The following OTOF variants were observed in gnomAD, a reference collection of about 807,000 sequenced individuals.
OTOF encodes the protein fer-1-like family member 2.
OTOF carries 218 observed loss-of-function variants against 236.8 expected under a neutral mutation model. The observed-to-expected ratio is 0.92, with a 90% CI of 0.82 to 1.03. The LOEUF (loss-of-function observed/expected upper bound fraction) is 1.03. OTOF is among the 50% of genes least tolerant of loss of function. The probability of loss-of-function intolerance (pLI) is 0.00; values close to 1 mark genes in which losing one functional copy is unlikely to be tolerated. For missense variants in OTOF, 2,590 were observed against 2,694.4 expected (o/e 0.96, Z 0.86); for synonymous variants, 1,041 against 1,072.5 (o/e 0.97, Z 0.57).
chr2:26,501,425 T>C (rs1433564406), intron 8 of OTOF, among the ~76,000 whole-genome samples: 1 of 152,244 alleles, frequency 6.6e-6, no homozygotes, highest in East Asian at 1.9e-4. Flanking sequence ...TTTTAACTGT[T>C]TGAATACTTT....
rs1232261525 is a variant in OTOF, at chr2:26,542,462, G to T, written c.80-4688C>A. On this transcript the variant is annotated intron_variant, in intron 1 of 46. Coordinates refer to ENST00000272371, the MANE Select transcript of OTOF (RefSeq NM_194248.3). Reference sequence around the variant, plus strand: ...TGATACAAGGCAGAATTTTGTCATTGGCATGCAAAAAGTGTAAATAAAGTG... The same window carrying T: ...TGATACAAGGCAGAATTTTGTCATTTGCATGCAAAAAGTGTAAATAAAGTG... 3.3e-5 allele frequency among the ~76,000 whole-genome samples: 5 copies of T among 152,132 alleles called. No individual in the cohort carries two copies. The East Asian group carries it at 9.6e-4, about 29-fold the overall frequency.
At chr2:26,532,359 C>T (rs1666971632) in intron 2 of OTOF, among the ~76,000 whole-genome samples, 1 of 152,178 alleles carries the variant, frequency 6.6e-6, no homozygotes. Context: ...TAATCCACTA[C>T]ACTGAATCCT....
intron 2 of OTOF, among the ~76,000 whole-genome samples, chr2:26,534,337 G>A (rs1412962456): frequency 6.6e-6 from 1 of 152,184 alleles, no homozygotes; most frequent in African/African-American, 2.4e-5. Context: ...GCTAAAGGTG[G>A]CTACTCCTGT....
At chr2:26,544,704 A>G (rs1267188416) in intron 1 of OTOF, among the ~76,000 whole-genome samples, 1 of 152,158 alleles carries the variant, frequency 6.6e-6, no homozygotes, top group African/African-American at 2.4e-5. Context: ...ATTCCTAAGA[A>G]CAGAATGGTT....
chr2:26,482,404 A>T lies in OTOF; in HGVS notation c.1579+2T>A. 5 of 1,613,056 alleles carry T rather than the reference A, an allele frequency of 3.1e-6. No individual in the cohort carries two copies. The highest frequency in any genetic ancestry group is 3.4e-6 in the Non-Finnish European group (4 of 1,179,972). The stretch of plus-strand genomic sequence containing the variant: ...CAGCACACCGGGTCTCCCGCTGCTG[A>T]CCTTTGTCTCCGTCATTAGAAATCT... On this transcript the variant is annotated splice_donor_variant, in intron 14 of 46. Coordinates refer to ENST00000272371, the MANE Select transcript of OTOF (RefSeq NM_194248.3). LOFTEE classifies it high-confidence loss of function.
intron 1 of OTOF, among the ~76,000 whole-genome samples, chr2:26,548,490 C>T (rs1667385792): frequency 6.6e-6 from 1 of 152,288 alleles, no homozygotes; most frequent in African/African-American, 2.4e-5. Flanking sequence ...CCCCATTCTC[C>T]CTCCCCACAG....
At position 26,513,503 on chromosome 2, in the gene OTOF, C is replaced by T. The variant is rs112888164; in HGVS notation, c.509+2915G>A. ...TTCCTGCCCACTCAGTCTACCTCCC[C>T]GCAGCCCCCAGCAGGCCTTCATTTC... On this transcript the variant is annotated intron_variant, in intron 5 of 46. Transcript: ENST00000272371. Among the ~76,000 whole-genome samples the T allele has an allele frequency of 3.7e-3, 564 of 152,290 alleles. 2 individuals are homozygous for T. The highest frequency in any genetic ancestry group is 5.2e-3 in the Non-Finnish European group (357 of 68,012).
chr2:26,513,358 G>A (rs1174938095), intron 5 of OTOF, among the ~76,000 whole-genome samples: 1 of 152,134 alleles, frequency 6.6e-6, no homozygotes, highest in Non-Finnish European at 1.5e-5. Flanking sequence ...GCTGGGGGGT[G>A]GACCCAGGCC....
Position 26,477,623 on chromosome 2 carries a change from C to G in OTOF, c.2315+26G>C. On this transcript the variant is annotated intron_variant, in intron 19 of 46. Coordinates refer to ENST00000272371, the MANE Select transcript of OTOF (RefSeq NM_194248.3). The surrounding 1 kb of genome is among the most constrained non-coding windows in gnomAD (Gnocchi z 4.7). ...TTGTCCAGTTCCGCCTCATCCTCCCCCCACCTGCCGCCCCTCCCTTCTCAC... is the reference window on the plus strand; with the variant it reads ...TTGTCCAGTTCCGCCTCATCCTCCCGCCACCTGCCGCCCCTCCCTTCTCAC... 3 of 1,611,734 alleles carry G rather than the reference C, an allele frequency of 1.9e-6. No homozygotes were observed. Among genetic ancestry groups the G allele is most frequent in the Non-Finnish European group, 2.5e-6 (3 of 1,179,590 alleles).
intron 1 of OTOF, among the ~76,000 whole-genome samples, chr2:26,551,336 G>C (rs1572501035): frequency 6.6e-6 from 1 of 152,184 alleles, no homozygotes; most frequent in South Asian, 2.1e-4. Context: ...CCCTTCAAGG[G>C]CTTCTTAAAT....
chr2:26,538,720 G>A (rs1408051395), intron 1 of OTOF, among the ~76,000 whole-genome samples: 1 of 152,134 alleles, frequency 6.6e-6, no homozygotes, highest in African/African-American at 2.4e-5. Context: ...GATAGAGGAT[G>A]GACCAATGAC....
intron 41 of OTOF, 43 bp downstream of exon 41, chr2:26,463,440 G>T: frequency 6.8e-7 from 1 of 1,471,728 alleles, no homozygotes; most frequent in East Asian, 2.4e-5. Flanking sequence ...GAAGTGGGTG[G>T]GGTGGGCCGG....
Position 26,547,806 on chromosome 2 carries a change from A to G in OTOF, c.80-10032T>C, listed in dbSNP as rs554193985. ...CAGTGAGCTGAGATCGCGCCACTGC[A>G]CTCCAGCCTGGGTGACAGTGCGAGA... On this transcript the variant is annotated intron_variant, in intron 1 of 46. Coordinates refer to ENST00000272371, the MANE Select transcript of OTOF (RefSeq NM_194248.3). Among the ~76,000 whole-genome samples, 14 of 152,262 alleles carry G rather than the reference A, an allele frequency of 9.2e-5. No homozygotes were observed. The South Asian group carries it at 2.9e-3, about 32-fold the overall frequency.
intron 5 of OTOF, among the ~76,000 whole-genome samples, chr2:26,509,310 C>T (rs542737238): frequency 6.6e-6 from 1 of 152,340 alleles, no homozygotes; most frequent in African/African-American, 2.4e-5. Context: ...TCGCCACCCA[C>T]CCTGGATTCA....
At chr2:26,476,431 C>T in intron 22 of OTOF, 114 bp from the exon 23 acceptor site, 1 of 1,010,204 alleles carries the variant, frequency 9.9e-7, no homozygotes, top group Non-Finnish European at 1.5e-6. Flanking sequence ...CCTTCACAGC[C>T]ATCCCGCTGG....
At chr2:26,551,344 A>G (rs1667458363) in intron 1 of OTOF, among the ~76,000 whole-genome samples, 1 of 152,116 alleles carries the variant, frequency 6.6e-6, no homozygotes. Context: ...GGGCTTCTTA[A>G]ATACCGCCCA....
intron 12 of OTOF, 28 bp downstream of exon 12, chr2:26,484,446 T>C (rs1665650814): frequency 1.2e-6 from 2 of 1,613,290 alleles, no homozygotes; most frequent in African/African-American, 2.7e-5. Flanking sequence ...TGGCTCAGAC[T>C]CCAGGGGCTG....
At chr2:26,489,187 G>A (rs1483413562) in intron 11 of OTOF, 24 bp downstream of exon 11, 2 of 1,567,992 alleles carry the variant, frequency 1.3e-6, no homozygotes, top group Admixed American at 1.7e-5. Context: ...CACCTCGACT[G>A]ACTGGCCATG....
intron 39 of OTOF, 79 bp from the exon 40 acceptor site, chr2:26,464,185 C>A: frequency 6.4e-7 from 1 of 1,553,618 alleles, no homozygotes; most frequent in Non-Finnish European, 8.8e-7. Context: ...GACTTAGGAG[C>A]ACAAAGAAGC....
Sources: gnomAD v4.1 joint callset for allele counts (sites outside exome capture counted in the v4.1 genomes callset) on GRCh38, gnomAD v4.1.1 for gene constraint, Gnocchi (gnomAD v3.1) non-coding constraint, MANE v1.5 for transcripts, NCBI Gene and HGNC (gene_info 2026-07-23, HGNC 2026-07-21) for gene names.